CCDC85C: variants seen among roughly 807,000 people sequenced by gnomAD.
CCDC85C encodes coiled-coil domain containing 85C.
In CCDC85C, 18 loss-of-function variants were observed where a neutral mutation model predicts 38.3. The observed-to-expected ratio is 0.47, with a 90% CI of 0.33 to 0.70. The LOEUF (loss-of-function observed/expected upper bound fraction) is 0.70, where lower values mean the gene tolerates loss of function less well. Among genes scored for constraint, CCDC85C ranks in the 30% least tolerant of loss-of-function variants. The pLI is 0.03. For synonymous variants in CCDC85C, 264 were observed against 293.8 expected, an observed-to-expected ratio of 0.90 and a Z score of 1.04; for missense variants, 566 against 621.2, an observed-to-expected ratio of 0.91 and a Z score of 0.94.
chr14:99,587,741 C>T (rs1050649312), intron 1 of CCDC85C, among the ~76,000 whole-genome samples: 1 of 152,186 alleles, frequency 6.6e-6, no homozygotes, highest in Non-Finnish European at 1.5e-5. Context: ...AACCCCCGTA[C>T]AGTCATGCGC....
Position 99,504,207 on chromosome 14 carries a change from G to C in CCDC85C, c.*11039C>G, listed in dbSNP as rs941735076. 10 of 217,262 alleles carry C rather than the reference G, an allele frequency of 4.6e-5. No homozygotes were observed. Among genetic ancestry groups the C allele is most frequent in the Non-Finnish European group, 8.9e-5 (9 of 101,030 alleles). The allele number at this position is 217,262 out of a possible 1,614,324, so 13.5% of individuals were successfully genotyped here. A position where few individuals can be genotyped will look rare whatever the true frequency, so the allele number is the denominator to read the frequency against. ...GGAACAATTACAAAACAGAAAGTTAGAAATGTTTTGTCACAGGGTCAGTCC... is the reference window on the plus strand; with the variant it reads ...GGAACAATTACAAAACAGAAAGTTACAAATGTTTTGTCACAGGGTCAGTCC... On this transcript the variant is annotated 3_prime_UTR_variant, in exon 6 of 6. Coordinates refer to ENST00000380243, the MANE Select transcript of CCDC85C (RefSeq NM_001144995.2).
chr14:99,550,371 G>A (rs1897884759), intron 1 of CCDC85C, among the ~76,000 whole-genome samples: 1 of 152,210 alleles, frequency 6.6e-6, no homozygotes, highest in Admixed American at 6.5e-5. Context: ...GGGAAGGGGA[G>A]AAGCTGGACA....
intron 1 of CCDC85C, among the ~76,000 whole-genome samples, chr14:99,585,870 G>A (rs898942171): frequency 2.6e-5 from 4 of 152,218 alleles, no homozygotes; most frequent in African/African-American, 9.6e-5. Context: ...ACACAGCAGG[G>A]AGGTTAAGAC....
rs1897284089 is a variant in CCDC85C, at chr14:99,520,295, C to G, written c.975+1838G>C. Among the ~76,000 whole-genome samples the G allele has an allele frequency of 6.6e-6, 1 of 152,172 alleles. No individual in the cohort carries two copies. The highest frequency in any genetic ancestry group is 1.5e-5 in the Non-Finnish European group (1 of 68,000). ...TCTCCCCGGGGGTCCAAGTGCCAGA[C>G]ATGGGCTCTCCAGGCCCCAGCAAGG... On this transcript the variant is annotated intron_variant, in intron 3 of 5. Coordinates refer to ENST00000380243, the MANE Select transcript of CCDC85C (RefSeq NM_001144995.2). This position sits in a 1 kb window ranked among gnomAD's most constrained non-coding sequence, Gnocchi z 4.1.
intron 1 of CCDC85C, among the ~76,000 whole-genome samples, chr14:99,536,426 CA>C (rs370140118): frequency 8.5e-5 from 13 of 152,198 alleles, no homozygotes; most frequent in African/African-American, 2.9e-4. Flanking sequence ...GTGGCCTCGC[CA>C]GCCTGCCCTG....
At chr14:99,524,751 T>C (rs778985242) in intron 2 of CCDC85C, among the ~76,000 whole-genome samples, 16 of 152,196 alleles carry the variant, frequency 1.1e-4, no homozygotes, top group Admixed American at 2.0e-4. Flanking sequence ...AAGCAGGAGC[T>C]GAAATCACCT....
chr14:99,553,804 G>A (rs1002994920), intron 1 of CCDC85C, among the ~76,000 whole-genome samples: 4 of 152,228 alleles, frequency 2.6e-5, no homozygotes, highest in Admixed American at 6.5e-5. Context: ...CCCCTGCGGC[G>A]GAGATAGGGC....
At position 99,509,627 on chromosome 14, in the gene CCDC85C, T is replaced by C. The variant is rs1157688937; in HGVS notation, c.*5619A>G. Reference sequence around the variant, plus strand: ...ACACAGTGGGGTTTGATGTAGCCTCTCTTGAGTAGAATAGAACCTGAATTG... The same window carrying C: ...ACACAGTGGGGTTTGATGTAGCCTCCCTTGAGTAGAATAGAACCTGAATTG... On this transcript the variant is annotated 3_prime_UTR_variant, in exon 6 of 6. Coordinates refer to ENST00000380243, the MANE Select transcript of CCDC85C (RefSeq NM_001144995.2). 6.1e-6 allele frequency: 1 copy of C among 163,710 alleles called. No homozygotes were observed. Among genetic ancestry groups the C allele is most frequent in the African/African-American group, 2.4e-5 (1 of 41,198 alleles). 10.1% of individuals were successfully genotyped at this position (163,710 alleles called of 1,614,324 possible).
intron 1 of CCDC85C, among the ~76,000 whole-genome samples, chr14:99,563,018 G>A (rs915149790): frequency 1.6e-4 from 24 of 152,114 alleles, no homozygotes; most frequent in African/African-American, 5.8e-4. Flanking sequence ...ACTTACTCTC[G>A]AGCCGTCTAT....
chr14:99,573,049 T>TA (rs1324815006), intron 1 of CCDC85C: 1 of 331,424 alleles, frequency 3.0e-6, no homozygotes, highest in Non-Finnish European at 6.0e-6. Context: ...AGCCTGGTGC[T>TA]AAAAATGAGA....
In CCDC85C at chr14:99,507,964, A is replaced by G. The variant is rs965240252; in HGVS notation, c.*7282T>C. The G allele has an allele frequency of 6.6e-6, 1 of 152,238 alleles. No individual in the cohort carries two copies. Among genetic ancestry groups the G allele is most frequent in the African/African-American group, 2.4e-5 (1 of 41,444 alleles). 9.4% of individuals were successfully genotyped at this position (152,238 alleles called of 1,614,324 possible). A position where few individuals can be genotyped will look rare whatever the true frequency, so the allele number is the denominator to read the frequency against. ...GCACCATTTCAGAAGGTGATGCGCT[A>G]GAGAAGGCCAGAGTGACCTGTGCTT... On this transcript the variant is annotated 3_prime_UTR_variant, in exon 6 of 6. Coordinates refer to ENST00000380243, the MANE Select transcript of CCDC85C (RefSeq NM_001144995.2).
intron 1 of CCDC85C, among the ~76,000 whole-genome samples, chr14:99,570,453 A>T (rs1898313941): frequency 6.6e-6 from 1 of 152,156 alleles, no homozygotes; most frequent in South Asian, 2.1e-4. Context: ...ATGAACGGAC[A>T]CCACTCTGTG....
intron 1 of CCDC85C, among the ~76,000 whole-genome samples, chr14:99,582,795 T>C (rs1016008360): frequency 2.0e-5 from 3 of 151,946 alleles, no homozygotes; most frequent in East Asian, 1.9e-4. Flanking sequence ...GCCTGGGTGA[T>C]AGAGCAAGAC....
chr14:99,526,666 A>G (rs1456627656), intron 2 of CCDC85C, among the ~76,000 whole-genome samples: 1 of 152,168 alleles, frequency 6.6e-6, no homozygotes, highest in East Asian at 1.9e-4. Flanking sequence ...TCCCTCCAGG[A>G]AGACGAAGCA....
intron 1 of CCDC85C, among the ~76,000 whole-genome samples, chr14:99,542,325 C>G (rs979688355): frequency 1.3e-5 from 2 of 152,174 alleles, no homozygotes; most frequent in African/African-American, 4.8e-5. Context: ...GAACCGGGCT[C>G]CAGGCTCTTA....
intron 1 of CCDC85C, among the ~76,000 whole-genome samples, chr14:99,539,645 G>GA (rs1897672566): frequency 1.3e-5 from 2 of 152,102 alleles, no homozygotes; most frequent in Non-Finnish European, 1.5e-5. Flanking sequence ...AATGCCAGTG[G>GA]AAAGAACTGG....
intron 1 of CCDC85C, among the ~76,000 whole-genome samples, chr14:99,597,191 A>C (rs1362827420): frequency 6.6e-6 from 1 of 152,004 alleles, no homozygotes; most frequent in Non-Finnish European, 1.5e-5. Context: ...ACCACCCCCC[A>C]AGCCAGACTC....
intron 1 of CCDC85C, among the ~76,000 whole-genome samples, chr14:99,566,740 C>T (rs1468209703): frequency 6.6e-6 from 1 of 152,234 alleles, no homozygotes. Flanking sequence ...ACCATGGCAC[C>T]TGGGCAGCAT....
At chr14:99,524,651 A>G (rs1287053084) in intron 2 of CCDC85C, among the ~76,000 whole-genome samples, 1 of 152,238 alleles carries the variant, frequency 6.6e-6, no homozygotes, top group Non-Finnish European at 1.5e-5. Context: ...AGTAACCATT[A>G]TTGCACTTAA....
Sources: gnomAD v4.1 joint callset for allele counts (sites outside exome capture counted in the v4.1 genomes callset) on GRCh38, gnomAD v4.1.1 for gene constraint, Gnocchi (gnomAD v3.1) non-coding constraint, MANE v1.5 for transcripts, NCBI Gene and HGNC (gene_info 2026-07-23, HGNC 2026-07-21) for gene names.